The following CPQ variants were observed in gnomAD, a reference collection of about 807,000 sequenced individuals.
CPQ encodes the protein Ser-Met dipeptidase.
CPQ carries 37 observed loss-of-function variants against 45.7 expected under a neutral mutation model. That is an observed-to-expected ratio of 0.81 (90% CI 0.62 to 1.07). The LOEUF is 1.07. Ranked by LOEUF, CPQ falls within the 50% of genes least tolerant of loss-of-function variation. CPQ has a pLI of 0.00. For missense variants in CPQ, 537 were observed against 572.9 expected, an observed-to-expected ratio of 0.94 and a Z score of 0.64; for synonymous variants, 186 against 205.8, an observed-to-expected ratio of 0.90 and a Z score of 0.82.
At chr8:96,811,947 T>C (rs1164541609) in intron 2 of CPQ, among the ~76,000 whole-genome samples, 1 of 152,176 alleles carries the variant, frequency 6.6e-6, no homozygotes, top group Non-Finnish European at 1.5e-5. Context: ...CAAATGTTTG[T>C]TTATGGGCTT....
chr8:96,994,442 G>T (rs1809144644), intron 5 of CPQ, among the ~76,000 whole-genome samples: 3 of 152,114 alleles, frequency 2.0e-5, no homozygotes. Flanking sequence ...CACATCTGGG[G>T]TCTACCCAAG....
chr8:97,081,089 T>C (rs1810942297), intron 7 of CPQ, among the ~76,000 whole-genome samples: 1 of 152,154 alleles, frequency 6.6e-6, no homozygotes, highest in African/African-American at 2.4e-5. Flanking sequence ...GTTTGCTGGA[T>C]ACATCTTTAT....
chr8:96,975,164 T>C (rs1250656893), intron 5 of CPQ, among the ~76,000 whole-genome samples: 1 of 151,460 alleles, frequency 6.6e-6, no homozygotes, highest in East Asian at 1.9e-4. Flanking sequence ...AAATGGGAGA[T>C]ATTACAACTG....
chr8:96,693,499 A>G (rs1048430318), intron 1 of CPQ, among the ~76,000 whole-genome samples: 1 of 152,222 alleles, frequency 6.6e-6, no homozygotes, highest in Admixed American at 6.5e-5. Flanking sequence ...ATGGATCTCC[A>G]ATACATCTGG....
chr8:96,728,237 T>C (rs1184638905), intron 1 of CPQ, among the ~76,000 whole-genome samples: 1 of 152,212 alleles, frequency 6.6e-6, no homozygotes, highest in Non-Finnish European at 1.5e-5. Context: ...TGACTTGTTT[T>C]GATAATTTTT....
intron 3 of CPQ, among the ~76,000 whole-genome samples, chr8:96,871,424 T>C (rs1380424023): frequency 6.6e-6 from 1 of 151,918 alleles, no homozygotes; most frequent in Non-Finnish European, 1.5e-5. Context: ...GCAAAAACAT[T>C]TCAGTAGATA....
chr8:96,977,103 AC>A (rs1813802952), intron 5 of CPQ, among the ~76,000 whole-genome samples: 1 of 152,170 alleles, frequency 6.6e-6, no homozygotes, highest in South Asian at 2.1e-4. Flanking sequence ...TATACATCTT[AC>A]AAAGGACTAA....
intron 1 of CPQ, 118 bp from the exon 2 acceptor site, chr8:96,784,746 A>T: frequency 1.5e-6 from 1 of 680,726 alleles, no homozygotes; most frequent in South Asian, 2.0e-5. Flanking sequence ...TTGATGGTGG[A>T]TGTTGGGCAG....
At chr8:97,135,021 CAT>C (rs979483999) in intron 7 of CPQ, among the ~76,000 whole-genome samples, 1 of 152,174 alleles carries the variant, frequency 6.6e-6, no homozygotes, top group Non-Finnish European at 1.5e-5. Context: ...AGAGATGACT[CAT>C]TATCACACAG....
At chr8:97,141,370 A>C (rs1357106309) in intron 7 of CPQ, among the ~76,000 whole-genome samples, 1 of 152,176 alleles carries the variant, frequency 6.6e-6, no homozygotes, top group African/African-American at 2.4e-5. Context: ...GGCAAAATGC[A>C]TGAACAAGAA....
intron 5 of CPQ, among the ~76,000 whole-genome samples, chr8:96,975,222 T>A (rs1003716203): frequency 1.3e-5 from 2 of 152,064 alleles, no homozygotes; most frequent in Non-Finnish European, 2.9e-5. Flanking sequence ...TGAACACCTT[T>A]ACACACATAA....
At chr8:96,777,760 A>ATTTTT (rs1163639654) in intron 1 of CPQ, among the ~76,000 whole-genome samples, 1 of 14,058 alleles carries the variant, frequency 7.1e-5, no homozygotes, top group Non-Finnish European at 1.2e-4. Context: ...ATATATATAT[A>ATTTTT]TTTTTTTTTT....
At chr8:96,827,167 T>A (rs890556299) in intron 2 of CPQ, among the ~76,000 whole-genome samples, 1 of 152,076 alleles carries the variant, frequency 6.6e-6, no homozygotes, top group African/African-American at 2.4e-5. Context: ...TACAAGGCAA[T>A]GGGTGGGCAT....
intron 1 of CPQ, among the ~76,000 whole-genome samples, chr8:96,655,793 G>T (rs2455038): frequency 6.6e-6 from 1 of 152,038 alleles, no homozygotes; most frequent in Non-Finnish European, 1.5e-5. Context: ...TAAGTCCGTT[G>T]TAAAGTTGTA....
intron 2 of CPQ, among the ~76,000 whole-genome samples, chr8:96,813,205 A>C (rs972381980): frequency 1.3e-5 from 2 of 152,104 alleles, no homozygotes; most frequent in African/African-American, 4.8e-5. Flanking sequence ...CTCTAGCTCA[A>C]CCATTCTTCT....
At position 97,057,351 on chromosome 8, in the gene CPQ, T is replaced by G. The variant is rs193142095; in HGVS notation, c.1054-8658T>G. 1.2e-4 allele frequency among the ~76,000 whole-genome samples: 19 copies of G among 152,318 alleles called. No homozygotes were observed. In the East Asian group the frequency reaches 2.7e-3, roughly 22 times the overall value. On this transcript the variant is annotated intron_variant, in intron 6 of 7. Coordinates refer to ENST00000220763, the MANE Select transcript of CPQ (RefSeq NM_016134.4). ...AGTGTTTCTGCATCTTTTGTAAAAC[T>G]GTTATTGGAGACTGTGTCCATTATT...
At chr8:96,682,838 A>G (rs1358413962) in intron 1 of CPQ, among the ~76,000 whole-genome samples, 4 of 152,206 alleles carry the variant, frequency 2.6e-5, no homozygotes, top group South Asian at 4.1e-4. Flanking sequence ...GTGTCCTTAC[A>G]GATGAGATGA....
intron 4 of CPQ, among the ~76,000 whole-genome samples, chr8:96,930,529 GA>G (rs1274964069): frequency 1.3e-5 from 2 of 152,252 alleles, no homozygotes; most frequent in East Asian, 1.9e-4. Flanking sequence ...CAGTGAGGAT[GA>G]TTTTTTTTGG....
intron 1 of CPQ, among the ~76,000 whole-genome samples, chr8:96,719,320 C>T (rs923566401): frequency 6.6e-6 from 1 of 152,250 alleles, no homozygotes; most frequent in Non-Finnish European, 1.5e-5. Context: ...TCCGCAGCCA[C>T]TGGCCTGGGT....
Sources: allele counts gnomAD v4.1 joint callset (sites outside exome capture counted in the v4.1 genomes callset), GRCh38; gene constraint gnomAD v4.1.1; transcripts MANE v1.5; gene names NCBI Gene and HGNC (gene_info 2026-07-23, HGNC 2026-07-21).